The following TNR variants were observed in gnomAD, a reference collection of about 807,000 sequenced individuals.
The protein encoded by TNR is tenascin-R.
Under a neutral mutation model 150.4 loss-of-function variants are expected in TNR, and 45 were observed. The observed-to-expected ratio is 0.30, with a 90% confidence interval of 0.24 to 0.38. The LOEUF (loss-of-function observed/expected upper bound fraction) is 0.38. TNR is among the 10% of genes least tolerant of loss of function. TNR has a pLI of 1.00. For synonymous variants in TNR, 687 were observed against 678.4 expected, an observed-to-expected ratio of 1.01 and a Z score of -0.20; for missense variants, 1,544 against 1,759.1, an observed-to-expected ratio of 0.88 and a Z score of 2.19.
At chr1:175,657,853 G>GTATGTATATATATATATA (rs1665231476) in intron 1 of TNR, among the ~76,000 whole-genome samples, 3 of 70,456 alleles carry the variant, frequency 4.3e-5, no homozygotes, top group African/African-American at 5.9e-5. Context: ...CATGGAACAT[G>GTATGTATATATATATATA]TATATATATA....
At chr1:175,468,202 C>G (rs929184151) in intron 2 of TNR, among the ~76,000 whole-genome samples, 2 of 152,130 alleles carry the variant, frequency 1.3e-5, no homozygotes, top group South Asian at 4.1e-4. Context: ...GGAGATAGCA[C>G]AGAGTGGGGA....
intron 9 of TNR, among the ~76,000 whole-genome samples, chr1:175,377,309 GT>G (rs1435737740): frequency 6.6e-6 from 1 of 152,098 alleles, no homozygotes; most frequent in African/African-American, 2.4e-5. Context: ...AGGACGTGGG[GT>G]TTTCTATCTC....
At chr1:175,727,205 T>A (rs1255207947) in intron 1 of TNR, among the ~76,000 whole-genome samples, 2 of 152,224 alleles carry the variant, frequency 1.3e-5, no homozygotes, top group Non-Finnish European at 2.9e-5. Flanking sequence ...AGGTACACAT[T>A]GCCTAAAACT....
chr1:175,613,560 G>A (rs1663668426), intron 1 of TNR, among the ~76,000 whole-genome samples: 1 of 150,136 alleles, frequency 6.7e-6, no homozygotes, highest in South Asian at 2.1e-4. Flanking sequence ...TCTGTAGCCT[G>A]GCTTCTCCTC....
chr1:175,675,451 A>T (rs1238427416), intron 1 of TNR, among the ~76,000 whole-genome samples: 1 of 152,204 alleles, frequency 6.6e-6, no homozygotes, highest in Non-Finnish European at 1.5e-5. Context: ...AGGTGCATGC[A>T]CACACAATCG....
chr1:175,433,106 C>A (rs1201383704), intron 2 of TNR, among the ~76,000 whole-genome samples: 1 of 152,166 alleles, frequency 6.6e-6, no homozygotes, highest in African/African-American at 2.4e-5. Context: ...GAAAGCTACA[C>A]AATCAGAGAA....
At chr1:175,405,772 G>T (rs1023653946) in intron 3 of TNR, among the ~76,000 whole-genome samples, 1 of 152,096 alleles carries the variant, frequency 6.6e-6, no homozygotes, top group Non-Finnish European at 1.5e-5. Context: ...GAAAGGCTGC[G>T]ATTGAGTGAA....
intron 2 of TNR, among the ~76,000 whole-genome samples, chr1:175,521,647 TTCTTACTTTTTTCC>T (rs1659643465): frequency 6.6e-6 from 1 of 152,198 alleles, no homozygotes; most frequent in Non-Finnish European, 1.5e-5. Context: ...CCTCCTTTTG[TTCTTACTTTTTTCC>T]TCTTACTTTT....
intron 2 of TNR, among the ~76,000 whole-genome samples, chr1:175,499,421 C>A (rs2102147649): frequency 6.6e-6 from 1 of 152,350 alleles, no homozygotes; most frequent in Admixed American, 6.5e-5. Context: ...TGGCTTCTCC[C>A]TGCTCCTTGG....
At chr1:175,395,615 A>C (rs371739596) in intron 5 of TNR, among the ~76,000 whole-genome samples, 85 of 152,240 alleles carry the variant, frequency 5.6e-4, no homozygotes, top group African/African-American at 2.0e-3. Context: ...ATTTGTGTGC[A>C]TGCAGGTTTT....
chr1:175,546,580 A>G (rs1449504175), intron 1 of TNR, among the ~76,000 whole-genome samples: 1 of 152,206 alleles, frequency 6.6e-6, no homozygotes, highest in African/African-American at 2.4e-5. Context: ...GGAGAAATCT[A>G]AAACGATATC....
At chr1:175,391,871 A>G (rs1483106431) in intron 6 of TNR, among the ~76,000 whole-genome samples, 1 of 152,254 alleles carries the variant, frequency 6.6e-6, no homozygotes, top group African/African-American at 2.4e-5. Context: ...GTGTGTAAAC[A>G]TCTTTATATA....
chr1:175,407,068 A>AGGGCTGG (rs1336546236), intron 2 of TNR, among the ~76,000 whole-genome samples: 3 of 152,308 alleles, frequency 2.0e-5, no homozygotes, highest in Admixed American at 1.3e-4. Flanking sequence ...AGGAAACATG[A>AGGGCTGG]GGGCTGGGGG....
chr1:175,385,885 T>C, intron 8 of TNR, 147 bp downstream of exon 8: 2 of 899,354 alleles, frequency 2.2e-6, no homozygotes, highest in Non-Finnish European at 3.2e-6. Context: ...TGGAAACCTC[T>C]TGCTTCCTTC....
intron 2 of TNR, among the ~76,000 whole-genome samples, chr1:175,477,704 G>A (rs1193772286): frequency 2.0e-5 from 3 of 152,208 alleles, no homozygotes; most frequent in Non-Finnish European, 4.4e-5. Context: ...AGAAAGAGAG[G>A]AAAGCATTTG....
At position 175,736,314 on chromosome 1, in the gene TNR, T is replaced by G. The variant is rs541321969; in HGVS notation, c.-165+6912A>C. On this transcript the variant is annotated intron_variant, in intron 1 of 22. Coordinates refer to ENST00000367674, the MANE Select transcript of TNR (RefSeq NM_003285.3). ...AGGCGGGTGGATCACGAGGTCAGGA[T>G]ATCGAGACCATCCTGGCTAACATGG... is the stretch of plus-strand genomic sequence containing the variant. 5.9e-5 allele frequency among the ~76,000 whole-genome samples: 9 copies of G among 151,912 alleles called. No homozygotes were observed. The East Asian group carries it at 9.8e-4, about 17-fold the overall frequency.
intron 15 of TNR, among the ~76,000 whole-genome samples, chr1:175,358,186 C>T (rs891386758): frequency 3.9e-5 from 6 of 152,158 alleles, no homozygotes; most frequent in Non-Finnish European, 7.3e-5. Flanking sequence ...ATTGTGCATG[C>T]TCACAGAGGG....
intron 21 of TNR, among the ~76,000 whole-genome samples, chr1:175,328,947 C>T (rs554024114): frequency 2.0e-5 from 3 of 152,174 alleles, no homozygotes; most frequent in Non-Finnish European, 4.4e-5. Flanking sequence ...TGATTTAGTC[C>T]GGCATCTTGT....
intron 1 of TNR, among the ~76,000 whole-genome samples, chr1:175,588,831 A>G (rs1558023990): frequency 1.3e-5 from 2 of 152,162 alleles, no homozygotes; most frequent in Non-Finnish European, 2.9e-5. Context: ...GATAAGCCCA[A>G]ACCTAATCTC....
Sources: allele counts gnomAD v4.1 joint callset (sites outside exome capture counted in the v4.1 genomes callset), GRCh38; gene constraint gnomAD v4.1.1; transcripts MANE v1.5; gene names NCBI Gene and HGNC (gene_info 2026-07-23, HGNC 2026-07-21).